GPC5: variants seen among roughly 807,000 people sequenced by gnomAD.
The protein encoded by GPC5 is glypican 5.
A neutral mutation model predicts 53.9 loss-of-function variants in GPC5; 47 were observed. The ratio of observed to expected loss-of-function variants is 0.87; its 90% CI spans 0.69 to 1.11. GPC5 has a LOEUF of 1.11. Among genes scored for constraint, GPC5 ranks in the 50% most tolerant of loss-of-function variants. The pLI is 0.00. For missense variants in GPC5, 748 were observed against 713.1 expected (o/e 1.05, Z -0.56); for synonymous variants, 286 against 263.3 (o/e 1.09, Z -0.84).
Position 91,424,662 on chromosome 13 carries a change from C to T in GPC5, c.164-24099C>T, listed in dbSNP as rs1878904038. Among the ~76,000 whole-genome samples the T allele has an allele frequency of 5.9e-5, 9 of 152,170 alleles. 1 individual carries two copies. In the South Asian group the frequency reaches 1.0e-3, roughly 18 times the overall value. ...GATTACAGGCATGAGCCACCGTGCC[C>T]GGCCAAATCCAGTGCTTTCTAAAGA... On this transcript the variant is annotated intron_variant, in intron 1 of 7. Coordinates refer to ENST00000377067, the MANE Select transcript of GPC5 (RefSeq NM_004466.6).
chr13:92,378,620 A>G (rs1018722544), intron 7 of GPC5, among the ~76,000 whole-genome samples: 9 of 152,248 alleles, frequency 5.9e-5, no homozygotes, highest in Admixed American at 5.2e-4. Flanking sequence ...ACCGTTACCT[A>G]ATTTTATCAT....
chr13:92,819,500 T>C (rs1877603167), intron 7 of GPC5, among the ~76,000 whole-genome samples: 1 of 152,236 alleles, frequency 6.6e-6, no homozygotes, highest in South Asian at 2.1e-4. Flanking sequence ...ATTAATAAAA[T>C]GAAGCGGTTT....
At chr13:91,545,088 T>C (rs1043545607) in intron 2 of GPC5, among the ~76,000 whole-genome samples, 3 of 152,196 alleles carry the variant, frequency 2.0e-5, no homozygotes, top group Admixed American at 6.5e-5. Context: ...TGTGAACTAG[T>C]CTCCAAAATT....
intron 7 of GPC5, among the ~76,000 whole-genome samples, chr13:92,552,381 CA>C (rs1882347905): frequency 6.6e-6 from 1 of 151,814 alleles, no homozygotes; most frequent in Admixed American, 6.6e-5. Flanking sequence ...GTGGTATCTG[CA>C]GGAATCATAT....
At chr13:92,161,616 A>T (rs2041988610) in intron 7 of GPC5, among the ~76,000 whole-genome samples, 2 of 152,176 alleles carry the variant, frequency 1.3e-5, no homozygotes, top group African/African-American at 4.8e-5. Flanking sequence ...CTTGTGAATT[A>T]TATAAATAAC....
intron 2 of GPC5, among the ~76,000 whole-genome samples, chr13:91,657,123 A>T (rs557052912): frequency 6.6e-6 from 1 of 152,288 alleles, no homozygotes; most frequent in African/African-American, 2.4e-5. Context: ...CTAGATTTGC[A>T]TTTGTGAATG....
At chr13:92,821,574 T>A (rs1447659479) in intron 7 of GPC5, among the ~76,000 whole-genome samples, 1 of 152,128 alleles carries the variant, frequency 6.6e-6, no homozygotes, top group African/African-American at 2.4e-5. Context: ...GAAGCCTGGG[T>A]TTTCCTTTAT....
chr13:92,249,962 A>G (rs2139127400), intron 7 of GPC5, among the ~76,000 whole-genome samples: 2 of 152,262 alleles, frequency 1.3e-5, no homozygotes, highest in South Asian at 4.1e-4. Flanking sequence ...TATTTTATAT[A>G]ATTGCATACT....
chr13:92,119,640 T>C (rs1359949137), intron 6 of GPC5, among the ~76,000 whole-genome samples: 2 of 144,434 alleles, frequency 1.4e-5, no homozygotes, highest in Non-Finnish European at 3.0e-5. Context: ...CAGGATGGTC[T>C]CGATCTCCTG....
At chr13:92,180,823 C>A in intron 7 of GPC5, 1 of 228,626 alleles carries the variant, frequency 4.4e-6, no homozygotes, top group South Asian at 6.9e-5. Flanking sequence ...CCTTCCCATC[C>A]CAATCCTGAT....
chr13:92,235,309 A>C (rs936066726), intron 7 of GPC5, among the ~76,000 whole-genome samples: 1 of 152,100 alleles, frequency 6.6e-6, no homozygotes, highest in African/African-American at 2.4e-5. Flanking sequence ...GCCACTGTTG[A>C]CTCACTAATA....
chr13:92,464,391 A>G (rs558603339), intron 7 of GPC5, among the ~76,000 whole-genome samples: 14 of 152,312 alleles, frequency 9.2e-5, no homozygotes, highest in African/African-American at 3.4e-4. Flanking sequence ...TGCAGATACA[A>G]TTTTATAGAG....
At chr13:91,441,319 C>A (rs1235875868) in intron 1 of GPC5, among the ~76,000 whole-genome samples, 1 of 152,186 alleles carries the variant, frequency 6.6e-6, no homozygotes, top group African/African-American at 2.4e-5. Context: ...GAGGTGTTAT[C>A]AGACCTTCAT....
intron 7 of GPC5, among the ~76,000 whole-genome samples, chr13:92,336,466 G>A (rs561493156): frequency 6.6e-6 from 1 of 152,186 alleles, no homozygotes; most frequent in East Asian, 1.9e-4. Flanking sequence ...GAATTAACAT[G>A]TTAGCTAAGT....
At chr13:92,124,000 G>C (rs1228383750) in intron 6 of GPC5, among the ~76,000 whole-genome samples, 1 of 151,758 alleles carries the variant, frequency 6.6e-6, no homozygotes, top group Non-Finnish European at 1.5e-5. Flanking sequence ...TTAGGTTTTC[G>C]TTTTCAGCTT....
At chr13:92,411,287 G>A (rs535610422) in intron 7 of GPC5, among the ~76,000 whole-genome samples, 1 of 151,938 alleles carries the variant, frequency 6.6e-6, no homozygotes, top group African/African-American at 2.4e-5. Context: ...TAAAAAAAAA[G>A]AATGCTTACT....
At chr13:92,587,682 G>T (rs941294757) in intron 7 of GPC5, among the ~76,000 whole-genome samples, 8 of 151,972 alleles carry the variant, frequency 5.3e-5, no homozygotes, top group African/African-American at 1.7e-4. Context: ...GCTAACAAAA[G>T]AAAAATAAAA....
intron 7 of GPC5, among the ~76,000 whole-genome samples, chr13:92,759,082 T>C (rs769798749): frequency 6.8e-6 from 1 of 146,048 alleles, no homozygotes; most frequent in South Asian, 2.4e-4. Flanking sequence ...GACTTTCTAC[T>C]CTATCCCACT....
intron 7 of GPC5, among the ~76,000 whole-genome samples, chr13:92,434,492 A>C (rs960015865): frequency 2.0e-5 from 3 of 152,210 alleles, no homozygotes; most frequent in African/African-American, 7.2e-5. Flanking sequence ...AAATACATCC[A>C]TAATGGAAAA....
Sources: allele counts gnomAD v4.1 joint callset (sites outside exome capture counted in the v4.1 genomes callset), GRCh38; gene constraint gnomAD v4.1.1; transcripts MANE v1.5; gene names NCBI Gene and HGNC (gene_info 2026-07-23, HGNC 2026-07-21).